The following PRSS12 variants were observed in gnomAD, a reference collection of about 807,000 sequenced individuals.
PRSS12 encodes serine protease 12.
PRSS12 carries 85 observed loss-of-function variants against 104.4 expected under a neutral mutation model. That is an observed-to-expected ratio of 0.81 (90% CI 0.68 to 0.98). The LOEUF (loss-of-function observed/expected upper bound fraction) is 0.98. PRSS12 is among the 50% of genes least tolerant of loss of function. The pLI is 0.00. For missense variants in PRSS12, 1,141 were observed against 1,139.2 expected, an observed-to-expected ratio of 1.00 and a Z score of -0.02; for synonymous variants, 454 against 425.2, an observed-to-expected ratio of 1.07 and a Z score of -0.83.
chr4:118,323,145 T>C (rs557341235), intron 4 of PRSS12, among the ~76,000 whole-genome samples: 3 of 151,848 alleles, frequency 2.0e-5, no homozygotes, highest in African/African-American at 7.3e-5. Flanking sequence ...AGGAAAGAGA[T>C]TAATGAAAGC....
At position 118,352,747 on chromosome 4, in the gene PRSS12, A is replaced by G. The variant is rs766975475; in HGVS notation, c.-27T>C. On this transcript the variant is annotated 5_prime_UTR_variant, in exon 1 of 13. It removes an upstream start codon present in the reference 5' UTR. Coordinates refer to ENST00000296498, the MANE Select transcript of PRSS12 (RefSeq NM_003619.4). ...GTGCCAGCGCTGCGGGGTCTGGTCC[A>G]TGCTCCCCAGCTTCTCGGGCTTGGA... The G allele has an allele frequency of 2.5e-6, 4 of 1,601,878 alleles. No individual in the cohort carries two copies. Among genetic ancestry groups the G allele is most frequent in the Non-Finnish European group, 8.5e-7 (1 of 1,173,186 alleles).
intron 10 of PRSS12, 103 bp from the exon 11 acceptor site, chr4:118,295,164 T>A (rs1263838795): frequency 6.9e-7 from 1 of 1,445,600 alleles, no homozygotes; most frequent in Non-Finnish European, 9.4e-7. Context: ...GCCTTGCAGG[T>A]GGGGGAAAAG....
chr4:118,294,857 T>C (rs1280392050), intron 11 of PRSS12, 82 bp downstream of exon 11: 1 of 1,572,926 alleles, frequency 6.4e-7, no homozygotes, highest in East Asian at 2.2e-5. Context: ...CTCTGACACC[T>C]TGAGTGCTGT....
intron 4 of PRSS12, among the ~76,000 whole-genome samples, chr4:118,326,507 G>A (rs942528654): frequency 5.3e-5 from 8 of 152,180 alleles, no homozygotes; most frequent in Non-Finnish European, 1.2e-4. Flanking sequence ...AGAGCAGACC[G>A]AAACACTGAG....
chr4:118,319,220 T>C (rs937086621), intron 4 of PRSS12, among the ~76,000 whole-genome samples: 4 of 152,120 alleles, frequency 2.6e-5, no homozygotes, highest in African/African-American at 9.7e-5. Flanking sequence ...CCACCACACC[T>C]GGCTAATTTT....
intron 11 of PRSS12, among the ~76,000 whole-genome samples, chr4:118,294,356 A>C (rs545111738): frequency 6.6e-6 from 1 of 152,194 alleles, no homozygotes; most frequent in Non-Finnish European, 1.5e-5. Context: ...GAGAAAGTAG[A>C]GCCAGTTCTA....
chr4:118,310,349 A>G (rs1743675884), intron 7 of PRSS12, among the ~76,000 whole-genome samples: 1 of 152,336 alleles, frequency 6.6e-6, no homozygotes, highest in East Asian at 1.9e-4. Context: ...TACTCTGAAA[A>G]TAAAAATGAT....
intron 11 of PRSS12, among the ~76,000 whole-genome samples, chr4:118,284,454 T>C (rs182435035): frequency 1.1e-4 from 17 of 152,354 alleles, no homozygotes; most frequent in African/African-American, 3.8e-4. Context: ...TTTTCCTTTG[T>C]AGTTCCCTGA....
Position 118,299,712 on chromosome 4 carries a change from TAAATA to T in PRSS12, c.1632-779_1632-775del, listed in dbSNP as rs1206224261. 8.4e-3 allele frequency among the ~76,000 whole-genome samples: 535 copies of T among 63,794 alleles called. 10 individuals are homozygous for T. The highest frequency in any genetic ancestry group is 0.034 in the Middle Eastern group (4 of 116). The allele number at this position is 63,794 out of a possible 152,430, so 41.9% of individuals were successfully genotyped here. Reference sequence around the variant, plus strand: ...AATAAAATAAATAAAATAAATAAAATAAATAAAATAAAATAAAATAAAATAAAATA... The same window carrying T: ...AATAAAATAAATAAAATAAATAAAATAAATAAAATAAAATAAAATAAAATA... On this transcript the variant is annotated intron_variant, in intron 8 of 12. Coordinates refer to ENST00000296498, the MANE Select transcript of PRSS12 (RefSeq NM_003619.4).
chr4:118,341,298 A>G (rs1160414532), intron 1 of PRSS12, among the ~76,000 whole-genome samples: 4 of 152,192 alleles, frequency 2.6e-5, no homozygotes, highest in East Asian at 1.9e-4. Context: ...TACATTTAAG[A>G]TAAGTAGTAG....
At chr4:118,309,772 T>C (rs947967678) in intron 7 of PRSS12, among the ~76,000 whole-genome samples, 4 of 152,214 alleles carry the variant, frequency 2.6e-5, no homozygotes, top group Non-Finnish European at 1.5e-5. Flanking sequence ...CTGCAGGTAA[T>C]GGACAATATA....
At chr4:118,348,057 C>T (rs1396847547) in intron 1 of PRSS12, among the ~76,000 whole-genome samples, 1 of 152,084 alleles carries the variant, frequency 6.6e-6, no homozygotes, top group African/African-American at 2.4e-5. Flanking sequence ...TGGCAAAACT[C>T]CATCTCTACA....
intron 4 of PRSS12, among the ~76,000 whole-genome samples, chr4:118,323,758 AT>A (rs1195371983): frequency 2.0e-5 from 3 of 151,842 alleles, no homozygotes; most frequent in South Asian, 2.1e-4. Context: ...AACATTTGCA[AT>A]TTGCAAAAAA....
intron 1 of PRSS12, among the ~76,000 whole-genome samples, chr4:118,338,564 T>C (rs1178785944): frequency 1.3e-5 from 2 of 152,132 alleles, no homozygotes; most frequent in African/African-American, 4.8e-5. Flanking sequence ...AAACAGACAG[T>C]CCTATTATAA....
intron 3 of PRSS12, 29 bp downstream of exon 3, chr4:118,335,444 A>G (rs1317046004): frequency 1.2e-6 from 2 of 1,611,800 alleles, no homozygotes; most frequent in Admixed American, 1.7e-5. Flanking sequence ...AATGAAAGTA[A>G]AACAACAGAA....
Position 118,282,208 on chromosome 4 carries a change from T to C in PRSS12, c.2356A>G (p.Ile786Val), listed in dbSNP as rs764058203. ...CAAAACCTTTTAGGAAGTAAGGGAA[T>C]GGCTGCTTGTTGTAGTGTTCTTGAA... ...AYSRTLQQAA[I>V]PLLPKRFCEE... Residue 786 changes from isoleucine to valine, a missense_variant, in exon 13 of 13, where the codon ATT becomes GTT. Transcript: ENST00000296498. The C allele has an allele frequency of 1.1e-5, 17 of 1,614,124 alleles. 1 individual carries two copies. In the South Asian group the frequency reaches 1.9e-4, roughly 18 times the overall value.
Position 118,352,237 on chromosome 4 carries a change from A to G in PRSS12, c.484T>C (p.Tyr162His), listed in dbSNP as rs779386739. ...GDARGKVDWG[Y>H]CDCRHGSVRL... The stretch of plus-strand genomic sequence containing the variant: ...CACTAACCGTGTCTGCAGTCGCAGT[A>G]GCCCCAGTCCACCTTGCCACGGGCG... Residue 162 changes from tyrosine to histidine, a missense_variant, in exon 1 of 13, where the codon TAC (tyrosine) becomes CAC (histidine). Physicochemically the swap from Tyr to His is moderately conservative, Grantham distance 83. Coordinates refer to ENST00000296498, the MANE Select transcript of PRSS12 (RefSeq NM_003619.4). 3 of 1,612,038 alleles carry G rather than the reference A, an allele frequency of 1.9e-6. No individual in the cohort carries two copies. The highest frequency in any genetic ancestry group is 2.5e-6 in the Non-Finnish European group (3 of 1,179,788).
At chr4:118,322,266 T>C (rs2126037090) in intron 4 of PRSS12, among the ~76,000 whole-genome samples, 1 of 152,252 alleles carries the variant, frequency 6.6e-6, no homozygotes, top group African/African-American at 2.4e-5. Context: ...ACACTTACTA[T>C]AGGCTGGGCG....
At position 118,352,278 on chromosome 4, in the gene PRSS12, CAG is replaced by C. The variant is rs760638778; in HGVS notation, c.441_442del (p.Trp148ValfsTer30). ...GCCACGGGCGTCTCCGTAGAAACACCAGGGTCTGCCCGCGCCGTCGGGGCTCC... is the reference window on the plus strand; with the variant it reads ...GCCACGGGCGTCTCCGTAGAAACACCGGTCTGCCCGCGCCGTCGGGGCTCC... On this transcript the variant is annotated frameshift_variant, in exon 1 of 13. Coordinates refer to ENST00000296498, the MANE Select transcript of PRSS12 (RefSeq NM_003619.4). LOFTEE classifies it high-confidence loss of function. 6.2e-6 allele frequency: 10 copies of C among 1,610,056 alleles called. No homozygotes were observed. The highest frequency in any genetic ancestry group is 8.5e-6 in the Non-Finnish European group (10 of 1,179,240).
Sources: allele counts gnomAD v4.1 joint callset (sites outside exome capture counted in the v4.1 genomes callset), GRCh38; gene constraint gnomAD v4.1.1; transcripts MANE v1.5; gene names NCBI Gene and HGNC (gene_info 2026-07-23, HGNC 2026-07-21).